Variants in ADGRB1 observed in about 807,000 individuals in gnomAD.
ADGRB1 encodes the protein adhesion G protein-coupled receptor B1, also known as brain-specific angiogenesis inhibitor 1.
ADGRB1 carries 36 observed loss-of-function variants against 175.7 expected under a neutral mutation model. The observed-to-expected ratio is 0.20, with a 90% CI of 0.16 to 0.27. ADGRB1 has a LOEUF of 0.27. Among genes scored for constraint, ADGRB1 ranks in the 10% least tolerant of loss-of-function variants. ADGRB1 has a pLI of 1.00. For synonymous variants in ADGRB1, 1,054 were observed against 979.4 expected, an observed-to-expected ratio of 1.08 and a Z score of -1.42; for missense variants, 1,731 against 2,255.3, an observed-to-expected ratio of 0.77 and a Z score of 4.71.
intron 17 of ADGRB1, among the ~76,000 whole-genome samples, chr8:142,498,924 C>T (rs1004548289): frequency 3.3e-5 from 5 of 152,320 alleles, no homozygotes; most frequent in African/African-American, 1.2e-4. Flanking sequence ...TGCCAGACCT[C>T]TGTGCCACTG....
intron 1 of ADGRB1, among the ~76,000 whole-genome samples, chr8:142,452,810 C>T (rs1410048692): frequency 6.6e-5 from 10 of 151,474 alleles, no homozygotes; most frequent in African/African-American, 2.4e-4. Flanking sequence ...TCGTGGGGCG[C>T]GGAGCCCGTC....
chr8:142,452,154 C>T (rs991741976), intron 1 of ADGRB1, among the ~76,000 whole-genome samples: 2 of 152,216 alleles, frequency 1.3e-5, no homozygotes, highest in African/African-American at 4.8e-5. Flanking sequence ...CCCTTCGGCT[C>T]GCTAGCTGCT....
intron 22 of ADGRB1, among the ~76,000 whole-genome samples, chr8:142,523,324 T>TG (rs139774464): frequency 0.24 from 36,015 of 150,184 alleles, 4,363 homozygotes; most frequent in Admixed American, 0.31. Context: ...AACCGAGGCT[T>TG]GAAGGGAGGG....
chr8:142,518,096 TG>T (rs773031648), intron 18 of ADGRB1, 41 bp from the exon 19 acceptor site: 2 of 1,591,046 alleles, frequency 1.3e-6, no homozygotes, highest in African/African-American at 2.7e-5. Context: ...AGTGGGCGAG[TG>T]GGGTGCCTCA....
At chr8:142,452,231 G>A (rs1189713739) in intron 1 of ADGRB1, among the ~76,000 whole-genome samples, 1 of 152,234 alleles carries the variant, frequency 6.6e-6, no homozygotes, top group Non-Finnish European at 1.5e-5. Flanking sequence ...CGGGAGACCC[G>A]GCGGCTGAGG....
chr8:142,465,033 GA>G, intron 2 of ADGRB1, 51 bp downstream of exon 2: 1 of 945,540 alleles, frequency 1.1e-6, no homozygotes, highest in Non-Finnish European at 1.4e-6. Flanking sequence ...GCAGACAGGG[GA>G]GGCGGGCAGA....
chr8:142,485,418 G>A (rs900055625), intron 13 of ADGRB1, among the ~76,000 whole-genome samples: 2 of 152,248 alleles, frequency 1.3e-5, no homozygotes, highest in African/African-American at 2.4e-5. Context: ...CCAGGAGTGG[G>A]TGCTGGCCCC....
At chr8:142,471,173 A>G (rs997406929) in intron 2 of ADGRB1, among the ~76,000 whole-genome samples, 19 of 152,216 alleles carry the variant, frequency 1.2e-4, no homozygotes, top group Non-Finnish European at 2.2e-4. Flanking sequence ...AGAAGGCTTC[A>G]GTCCCCATCA....
intron 2 of ADGRB1, 79 bp downstream of exon 2, chr8:142,465,061 A>T (rs1334896291): frequency 4.7e-6 from 2 of 426,932 alleles, no homozygotes; most frequent in Non-Finnish European, 6.9e-6. Context: ...AGGCGGGCGG[A>T]TGGGGGAAGT....
chr8:142,514,063 T>C (rs1247831176), intron 18 of ADGRB1, among the ~76,000 whole-genome samples: 1 of 151,606 alleles, frequency 6.6e-6, no homozygotes, highest in African/African-American at 2.4e-5. Flanking sequence ...GAAGTGAGCC[T>C]GGCTGGGCAG....
intron 14 of ADGRB1, 149 bp from the exon 15 acceptor site, chr8:142,488,886 T>G: frequency 1.0e-6 from 1 of 961,718 alleles, no homozygotes; most frequent in South Asian, 1.6e-5. Flanking sequence ...TGTCCGTGGG[T>G]GGGTGGGCCT....
In ADGRB1 at chr8:142,492,451, G is replaced by A. The variant is rs2131894961; in HGVS notation, c.2675+1636G>A. Among the ~76,000 whole-genome samples, 1 of 152,276 alleles carries A rather than the reference G, an allele frequency of 6.6e-6. No homozygotes were observed. Among genetic ancestry groups the A allele is most frequent in the South Asian group, 2.1e-4 (1 of 4,830 alleles). On this transcript the variant is annotated intron_variant, in intron 17 of 30. Coordinates refer to ENST00000517894, the MANE Select transcript of ADGRB1 (RefSeq NM_001702.3). The surrounding 1 kb of genome is among the most constrained non-coding windows in gnomAD (Gnocchi z 4.4). Reference sequence around the variant, plus strand: ...CAGGGTCTGGATGCGGGTGGGGAGGGGCCTTTGCAAGCAGGGTCATGCACG... The same window carrying A: ...CAGGGTCTGGATGCGGGTGGGGAGGAGCCTTTGCAAGCAGGGTCATGCACG...
chr8:142,452,139 GCCCTCCCTT>G (rs1839388679), intron 1 of ADGRB1, among the ~76,000 whole-genome samples: 1 of 152,198 alleles, frequency 6.6e-6, no homozygotes, highest in Non-Finnish European at 1.5e-5. Context: ...GGCGCCCCAC[GCCCTCCCTT>G]CGGCTCGCTA....
rs970964789 is a variant in ADGRB1, at chr8:142,474,631, T to C, written c.785-843T>C. On this transcript the variant is annotated intron_variant, in intron 2 of 30. Coordinates refer to ENST00000517894, the MANE Select transcript of ADGRB1 (RefSeq NM_001702.3). This position sits in a 1 kb window ranked among gnomAD's most constrained non-coding sequence, Gnocchi z 5.8. Reference sequence around the variant, plus strand: ...TGGGCACTCCAAGCAGCCCAAAGTGTTTTTGGCAGCACGAGGACCCCCCGG... The same window carrying C: ...TGGGCACTCCAAGCAGCCCAAAGTGCTTTTGGCAGCACGAGGACCCCCCGG... Among the ~76,000 whole-genome samples, 6 of 151,818 alleles carry C rather than the reference T, an allele frequency of 4.0e-5. No homozygotes were observed. Among genetic ancestry groups the C allele is most frequent in the African/African-American group, 1.5e-4 (6 of 41,318 alleles).
At chr8:142,496,700 C>T (rs1204391564) in intron 17 of ADGRB1, among the ~76,000 whole-genome samples, 2 of 152,166 alleles carry the variant, frequency 1.3e-5, no homozygotes, top group Non-Finnish European at 2.9e-5. Context: ...TTACTCGAAG[C>T]GTGGTTCAGT....
chr8:142,469,505 ATG>A (rs369516653), intron 2 of ADGRB1, among the ~76,000 whole-genome samples: 1,129 of 100,504 alleles, frequency 0.011, 7 homozygotes, highest in Middle Eastern at 0.02. Context: ...GCATGTGTGA[ATG>A]TGTGTGTATG....
At position 142,455,332 on chromosome 8, in the gene ADGRB1, C is replaced by T. The variant is rs1165753627; in HGVS notation, c.-220+5228C>T. ...GTCACCTTGGCCCCCACCTTAGGCT[C>T]CTGTCCCCTTCACTCGCCCCCATGG... is the stretch of plus-strand genomic sequence containing the variant. On this transcript the variant is annotated intron_variant, in intron 1 of 30. Transcript: ENST00000517894. This position sits in a 1 kb window ranked among gnomAD's most constrained non-coding sequence, Gnocchi z 4.9. 6.6e-6 allele frequency among the ~76,000 whole-genome samples: 1 copy of T among 152,096 alleles called. No individual in the cohort carries two copies. Among genetic ancestry groups the T allele is most frequent in the Non-Finnish European group, 1.5e-5 (1 of 68,032 alleles).
chr8:142,529,605 TGA>T (rs940685074), intron 24 of ADGRB1, among the ~76,000 whole-genome samples: 59 of 152,124 alleles, frequency 3.9e-4, no homozygotes, highest in African/African-American at 1.4e-3. Flanking sequence ...TGTATGTGTG[TGA>T]GTGCAACCCA....
intron 1 of ADGRB1, among the ~76,000 whole-genome samples, chr8:142,451,612 A>G (rs1412280299): frequency 3.3e-5 from 5 of 152,060 alleles, no homozygotes; most frequent in Non-Finnish European, 5.9e-5. Flanking sequence ...CTCCCGCTCC[A>G]TCCTGGGAAC....
Sources: allele counts gnomAD v4.1 joint callset (sites outside exome capture counted in the v4.1 genomes callset), GRCh38; gene constraint gnomAD v4.1.1; non-coding constraint Gnocchi (gnomAD v3.1); transcripts MANE v1.5; gene names NCBI Gene and HGNC (gene_info 2026-07-23, HGNC 2026-07-21).